The following SH3BP4 variants were observed in gnomAD, a reference collection of about 807,000 sequenced individuals.
SH3BP4 encodes SH3 domain binding protein 4.
SH3BP4 carries 33 observed loss-of-function variants against 65.5 expected under a neutral mutation model. The observed-to-expected ratio is 0.50, with a 90% confidence interval of 0.38 to 0.67. SH3BP4 has a LOEUF of 0.67. Among genes scored for constraint, SH3BP4 ranks in the 30% least tolerant of loss-of-function variants. The probability of loss-of-function intolerance (pLI) is 0.00; values close to 1 mark genes in which losing one functional copy is unlikely to be tolerated. For synonymous variants in SH3BP4, 552 were observed against 545.5 expected (o/e 1.01, Z -0.17); for missense variants, 1,134 against 1,261.4 (o/e 0.90, Z 1.53).
chr2:235,054,090 G>A lies in SH3BP4; in HGVS notation c.*274G>A, dbSNP rs995442530. 4.6e-5 allele frequency: 18 copies of A among 394,248 alleles called. No individual in the cohort carries two copies. Among genetic ancestry groups the A allele is most frequent in the African/African-American group, 2.4e-4 (12 of 50,544 alleles). The allele number at this position is 394,248 out of a possible 1,614,324, so 24.4% of individuals were successfully genotyped here. A position where few individuals can be genotyped will look rare whatever the true frequency, so the allele number is the denominator to read the frequency against. On this transcript the variant is annotated 3_prime_UTR_variant, in exon 6 of 6. Coordinates refer to ENST00000392011, the MANE Select transcript of SH3BP4 (RefSeq NM_014521.3). Reference sequence around the variant, plus strand: ...TCACTTTTTTAACGAATGGGGGGAAGGGATCTATGAGAAAGGTGGTATCTA... The same window carrying A: ...TCACTTTTTTAACGAATGGGGGGAAAGGATCTATGAGAAAGGTGGTATCTA...
In SH3BP4 at chr2:235,025,105, G is replaced by A. The variant is rs73126105; in HGVS notation, c.-132-9766G>A. Among the ~76,000 whole-genome samples, 1,171 of 152,210 alleles carry A rather than the reference G, an allele frequency of 7.7e-3. 11 individuals carry two copies. Among genetic ancestry groups the A allele is most frequent in the Middle Eastern group, 0.021 (6 of 292 alleles). The stretch of plus-strand genomic sequence containing the variant: ...TTGCTGTCAGCCATCTGACACGGGC[G>A]GGCCAGCCTTCCCATGTGATTCAAG... On this transcript the variant is annotated intron_variant, in intron 2 of 5. Transcript: ENST00000392011.
intron 5 of SH3BP4, among the ~76,000 whole-genome samples, chr2:235,053,307 C>T (rs1200537933): frequency 6.6e-6 from 1 of 152,168 alleles, no homozygotes; most frequent in Non-Finnish European, 1.5e-5. Flanking sequence ...ACAAATGGCA[C>T]AGAGAGAAAG....
intron 1 of SH3BP4, among the ~76,000 whole-genome samples, chr2:234,959,448 C>G (rs1015430487): frequency 6.6e-6 from 1 of 152,118 alleles, no homozygotes; most frequent in Non-Finnish European, 1.5e-5. Context: ...GTGACAACTC[C>G]AATATTCTCT....
At chr2:235,018,230 T>C (rs145349924) in intron 2 of SH3BP4, among the ~76,000 whole-genome samples, 3 of 152,204 alleles carry the variant, frequency 2.0e-5, no homozygotes, top group Non-Finnish European at 4.4e-5. Flanking sequence ...TTCTACAGAG[T>C]CTGGGTGCTT....
At chr2:234,975,464 C>T (rs1057067888) in intron 1 of SH3BP4, among the ~76,000 whole-genome samples, 14 of 152,168 alleles carry the variant, frequency 9.2e-5, no homozygotes, top group African/African-American at 2.9e-4. Context: ...ACCTCAGGAT[C>T]GGGCCTAATT....
rs963000678 is a variant in SH3BP4 at position 234,974,725 on chromosome 2, G to A, written c.-206-20578G>A. On this transcript the variant is annotated intron_variant, in intron 1 of 5. Coordinates refer to ENST00000392011, the MANE Select transcript of SH3BP4 (RefSeq NM_014521.3). This position sits in a 1 kb window ranked among gnomAD's most constrained non-coding sequence, Gnocchi z 4.6. ...CTCTCTTAGTTCCGAAAAATCGAGG[G>A]GTTCCTTGCCAGCTTCTCTGGCTCC... 3.3e-5 allele frequency among the ~76,000 whole-genome samples: 5 copies of A among 152,150 alleles called. No homozygotes were observed. Among genetic ancestry groups the A allele is most frequent in the Admixed American group, 6.5e-5 (1 of 15,274 alleles).
chr2:234,984,200 CGTTTGTTT>C (rs112568346), intron 1 of SH3BP4, among the ~76,000 whole-genome samples: 155 of 152,096 alleles, frequency 1.0e-3, no homozygotes, highest in African/African-American at 3.4e-3. Flanking sequence ...TATGAGTTTT[CGTTTGTTT>C]GTTTGTTTGG....
chr2:235,013,015 C>A (rs540241920), intron 2 of SH3BP4, among the ~76,000 whole-genome samples: 1 of 152,342 alleles, frequency 6.6e-6, no homozygotes, highest in South Asian at 2.1e-4. Flanking sequence ...CAGCTTTTCT[C>A]CCAGGCTGTG....
At position 234,991,468 on chromosome 2, in the gene SH3BP4, T is replaced by G. The variant is rs1693744977; in HGVS notation, c.-206-3835T>G. Among the ~76,000 whole-genome samples the G allele has an allele frequency of 6.6e-6, 1 of 152,234 alleles. No individual in the cohort carries two copies. On this transcript the variant is annotated intron_variant, in intron 1 of 5. Coordinates refer to ENST00000392011, the MANE Select transcript of SH3BP4 (RefSeq NM_014521.3). This position sits in a 1 kb window ranked among gnomAD's most constrained non-coding sequence, Gnocchi z 4.2. ...GAATCTTGTCTTCTTGGCATTGTGGTTTTTGGAGATTTGCCCCAAATCATG... is the reference window on the plus strand; with the variant it reads ...GAATCTTGTCTTCTTGGCATTGTGGGTTTTGGAGATTTGCCCCAAATCATG...
At position 234,952,480 on chromosome 2, in the gene SH3BP4, A is replaced by G. The variant is rs1403148304; in HGVS notation, c.-207+310A>G. On this transcript the variant is annotated intron_variant, in intron 1 of 5. Transcript: ENST00000392011. The surrounding 1 kb of genome is among the most constrained non-coding windows in gnomAD (Gnocchi z 6.5). ...CCGCGTGCGCTCGGGCCGCCCCCCAACCCCGGCTCTGGCCACTTCCCGGCG... is the reference window on the plus strand; with the variant it reads ...CCGCGTGCGCTCGGGCCGCCCCCCAGCCCCGGCTCTGGCCACTTCCCGGCG... Among the ~76,000 whole-genome samples, 1 of 150,496 alleles carries G rather than the reference A, an allele frequency of 6.6e-6. No homozygotes were observed. Among genetic ancestry groups the G allele is most frequent in the Non-Finnish European group, 1.5e-5 (1 of 67,592 alleles).
intron 2 of SH3BP4, among the ~76,000 whole-genome samples, chr2:235,006,141 G>A (rs1224873881): frequency 1.3e-5 from 2 of 152,204 alleles, no homozygotes; most frequent in African/African-American, 2.4e-5. Context: ...CAGAGCACAC[G>A]CCGGCCACGG....
intron 2 of SH3BP4, among the ~76,000 whole-genome samples, chr2:234,996,899 G>A (rs1048602582): frequency 1.3e-5 from 2 of 152,032 alleles, no homozygotes; most frequent in East Asian, 3.9e-4. Context: ...TCCCTCTCGG[G>A]CTCCAGCAGT....
chr2:235,027,280 G>T (rs908650301), intron 2 of SH3BP4, among the ~76,000 whole-genome samples: 2 of 152,258 alleles, frequency 1.3e-5, no homozygotes, highest in Non-Finnish European at 2.9e-5. Flanking sequence ...AGGCTGGGGT[G>T]TTAACCCCGT....
At chr2:235,036,201 T>A (rs1649227900) in intron 3 of SH3BP4, among the ~76,000 whole-genome samples, 1 of 152,238 alleles carries the variant, frequency 6.6e-6, no homozygotes, top group Admixed American at 6.5e-5. Context: ...GATGCTGGCA[T>A]CCCTGGGCAT....
Position 235,016,928 on chromosome 2 carries a change from T to C in SH3BP4, c.-132-17943T>C, listed in dbSNP as rs142599047. ...GGGGGATGGGGATGCCACTTGACAC[T>C]TCCCTTGAGAGCAAAACACGTTGAC... On this transcript the variant is annotated intron_variant, in intron 2 of 5. Transcript: ENST00000392011. 5.3e-3 allele frequency among the ~76,000 whole-genome samples: 814 copies of C among 152,208 alleles called. 7 individuals are homozygous for C. Among genetic ancestry groups the C allele is most frequent in the African/African-American group, 0.019 (781 of 41,530 alleles).
At chr2:235,038,200 C>T (rs1234716813) in intron 3 of SH3BP4, among the ~76,000 whole-genome samples, 1 of 123,256 alleles carries the variant, frequency 8.1e-6, no homozygotes, top group East Asian at 2.2e-4. Flanking sequence ...TATATATATA[C>T]ACATATATAT....
chr2:235,023,936 C>T (rs148272853), intron 2 of SH3BP4, among the ~76,000 whole-genome samples: 4 of 152,244 alleles, frequency 2.6e-5, no homozygotes, highest in Admixed American at 6.5e-5. Flanking sequence ...ACTTTATCTA[C>T]GTCTTTGATT....
At chr2:234,963,504 TC>T (rs1193350991) in intron 1 of SH3BP4, among the ~76,000 whole-genome samples, 16 of 152,334 alleles carry the variant, frequency 1.1e-4, no homozygotes, top group African/African-American at 3.6e-4. Context: ...TTTCTCCAGA[TC>T]CTGACGTGCT....
At chr2:234,961,640 G>A (rs1692717679) in intron 1 of SH3BP4, among the ~76,000 whole-genome samples, 1 of 152,144 alleles carries the variant, frequency 6.6e-6, no homozygotes, top group East Asian at 1.9e-4. Context: ...TTTGTCTTGT[G>A]TACATGTACC....
Sources: allele counts gnomAD v4.1 joint callset (sites outside exome capture counted in the v4.1 genomes callset), GRCh38; gene constraint gnomAD v4.1.1; non-coding constraint Gnocchi (gnomAD v3.1); transcripts MANE v1.5; gene names NCBI Gene and HGNC (gene_info 2026-07-23, HGNC 2026-07-21).